Variants in RAD52 observed in about 807,000 individuals in gnomAD.
RAD52 encodes the protein DNA repair protein RAD52 homolog.
In RAD52, 47 loss-of-function variants were observed where a neutral mutation model predicts 55.5. The observed-to-expected ratio is 0.85, with a 90% CI of 0.67 to 1.08. RAD52 has a LOEUF of 1.08. Ranked by LOEUF, RAD52 falls within the 50% of genes least tolerant of loss-of-function variation. The probability of loss-of-function intolerance (pLI) is 0.00; values close to 1 mark genes in which losing one functional copy is unlikely to be tolerated. For missense variants in RAD52, 468 were observed against 522.8 expected, an observed-to-expected ratio of 0.90 and a Z score of 1.02; for synonymous variants, 184 against 198.9, an observed-to-expected ratio of 0.92 and a Z score of 0.63.
intron 1 of RAD52, among the ~76,000 whole-genome samples, chr12:962,689 A>G (rs941136483): frequency 1.3e-5 from 2 of 151,006 alleles, no homozygotes; most frequent in Admixed American, 6.6e-5. Context: ...GTATGTTTGC[A>G]TGCCTTATTT....
At chr12:964,647 C>G (rs567753344) in intron 1 of RAD52, among the ~76,000 whole-genome samples, 1 of 152,110 alleles carries the variant, frequency 6.6e-6, no homozygotes, top group Non-Finnish European at 1.5e-5. Context: ...GGCACAGTCA[C>G]AGCTCACTGC....
At chr12:931,351 A>G (rs1363968793) in intron 2 of RAD52, 30 bp from the exon 3 acceptor site, 10 of 1,489,114 alleles carry the variant, frequency 6.7e-6, no homozygotes, top group Non-Finnish European at 9.1e-6. Flanking sequence ...AATTAAATTC[A>G]CACTTCCACC....
At chr12:965,127 GCA>G (rs1958741213) in intron 1 of RAD52, among the ~76,000 whole-genome samples, 2 of 151,634 alleles carry the variant, frequency 1.3e-5, no homozygotes, top group Non-Finnish European at 2.9e-5. Context: ...GTACAGGTGC[GCA>G]CCACCACGCC....
chr12:943,645 G>A (rs1342931336), intron 1 of RAD52, among the ~76,000 whole-genome samples: 1 of 152,024 alleles, frequency 6.6e-6, no homozygotes, highest in Non-Finnish European at 1.5e-5. Context: ...CACCGCGCCT[G>A]GCCTATTAGT....
upstream of RAD52, among the ~76,000 whole-genome samples, chr12:951,353 TCTC>T (rs1237300105): frequency 1.3e-5 from 2 of 152,134 alleles, no homozygotes; most frequent in Admixed American, 6.5e-5. Context: ...CTCAAGCAAT[TCTC>T]CTGTCTCAGC....
intron 1 of RAD52, chr12:974,907 C>T (rs1300414385): frequency 1.3e-5 from 2 of 152,224 alleles, no homozygotes; most frequent in Non-Finnish European, 2.9e-5. Flanking sequence ...CTCTGCTATG[C>T]TGCCTTCCAA....
intron 1 of RAD52, among the ~76,000 whole-genome samples, chr12:980,026 T>C (rs1011504426): frequency 1.3e-5 from 2 of 151,740 alleles, no homozygotes; most frequent in African/African-American, 4.8e-5. Context: ...CCGTCTCTAT[T>C]AAAAATACGA....
chr12:972,109 G>A (rs993745701), intron 1 of RAD52, among the ~76,000 whole-genome samples: 2 of 152,162 alleles, frequency 1.3e-5, no homozygotes, highest in South Asian at 2.1e-4. Flanking sequence ...TTGAGGCAAC[G>A]CTAACATGCA....
intron 1 of RAD52, among the ~76,000 whole-genome samples, chr12:961,315 A>AAAAAAAAAAAAAAAAAAAAAAAAAC: frequency 6.8e-6 from 1 of 146,496 alleles, no homozygotes; most frequent in Non-Finnish European, 1.5e-5. Flanking sequence ...ATCTCAAAAA[A>AAAAAAAAAAAAAAAAAAAAAAAAAC]AAAAAAAAAA....
In RAD52 at chr12:916,413, G is replaced by A. The variant is rs1169084827; in HGVS notation, c.796C>T (p.Gln266Ter). The A allele has an allele frequency of 2.5e-6, 4 of 1,608,382 alleles. No homozygotes were observed. The highest frequency in any genetic ancestry group is 3.4e-6 in the Non-Finnish European group (4 of 1,179,412). ...TTCTCCATCCGCTCCCGGAACTGCTGCTGCAGCTGCTTCTGCCGGAGCTTC... is the reference window on the plus strand; with the variant it reads ...TTCTCCATCCGCTCCCGGAACTGCTACTGCAGCTGCTTCTGCCGGAGCTTC... ...QRKLRQKQLQ[Q>*]QFRERMEKQQ... Residue 266 changes from glutamine (Q) to a stop codon, truncating the protein, a stop_gained, in exon 9 of 12, where the codon CAG becomes TAG. Coordinates refer to ENST00000358495, the MANE Select transcript of RAD52 (RefSeq NM_134424.4). LOFTEE classifies it high-confidence loss of function.
intron 1 of RAD52, among the ~76,000 whole-genome samples, chr12:970,935 A>C (rs1026170301): frequency 6.9e-6 from 1 of 145,964 alleles, no homozygotes; most frequent in Non-Finnish European, 1.5e-5. Context: ...AGAGACAGGA[A>C]ATAAATCGAT....
rs1432222139 is a variant in RAD52 at position 916,776 on chromosome 12, A to C, written c.588T>G (p.Leu196=). 1 of 1,613,804 alleles carries C rather than the reference A, an allele frequency of 6.2e-7. No individual in the cohort carries two copies. Among genetic ancestry groups the C allele is most frequent in the South Asian group, 1.1e-5 (1 of 91,082 alleles). The change falls in exon 8 of 12, where the codon CTT becomes CTG. Residue 196 remains leucine, a synonymous_variant. Transcript: ENST00000358495. Reference sequence around the variant, plus strand: ...ATCTTGCCTCCTCCACAGACGGTTCAAGATCTTGTCTCTTCGCTTTAGTTA... The same window carrying C: ...ATCTTGCCTCCTCCACAGACGGTTCCAGATCTTGTCTCTTCGCTTTAGTTA... ...VDLTKAKRQD[L]EPSVEEARYN... is the part of the protein sequence containing the mutation.
chr12:914,160 T>TG, intron 10 of RAD52, 39 bp from the exon 11 acceptor site: 1 of 1,556,346 alleles, frequency 6.4e-7, no homozygotes, highest in Non-Finnish European at 8.8e-7. Context: ...CAGCAAATAA[T>TG]GAAGTATTCT....
chr12:960,892 C>T (rs777193450), intron 1 of RAD52, among the ~76,000 whole-genome samples: 2 of 152,124 alleles, frequency 1.3e-5, no homozygotes, highest in African/African-American at 2.4e-5. Context: ...ATAAAGAAGT[C>T]ATTGGTACAC....
chr12:932,764 G>A (rs951628936), intron 2 of RAD52, among the ~76,000 whole-genome samples: 1 of 152,132 alleles, frequency 6.6e-6, no homozygotes, highest in Non-Finnish European at 1.5e-5. Context: ...CTATGTAAAC[G>A]TACTAGGTAC....
intron 1 of RAD52, among the ~76,000 whole-genome samples, chr12:965,244 TG>T (rs1259477483): frequency 6.6e-6 from 1 of 152,076 alleles, no homozygotes; most frequent in Non-Finnish European, 1.5e-5. Context: ...CCCAAAGTGC[TG>T]GGATTACAGG....
Position 913,899 on chromosome 12 carries a change from G to A in RAD52, c.1190C>T (p.Thr397Ile), listed in dbSNP as rs766697107. Residue 397 changes from threonine to isoleucine, a missense_variant, in exon 11 of 12, where the codon ACA becomes ATA. Thr to Ile is a moderately conservative substitution (Grantham distance 89, BLOSUM62 -1). Transcript: ENST00000358495. ...DLQTYSADQRTTGNWESHRKS... is the reference protein window; with the variant it reads ...DLQTYSADQRITGNWESHRKS... ...CCTAAACACCTCTCTGCTACCTGTT[G>A]TGCGTTGGTCAGCGCTATAAGTTTG... 3 of 1,613,634 alleles carry A rather than the reference G, an allele frequency of 1.9e-6. No individual in the cohort carries two copies. The South Asian group carries it at 3.3e-5, about 18-fold the overall frequency.
At chr12:985,290 G>A (rs771668520) in intron 1 of RAD52, among the ~76,000 whole-genome samples, 2 of 152,134 alleles carry the variant, frequency 1.3e-5, no homozygotes, top group Non-Finnish European at 2.9e-5. Context: ...ATGGGTGCAT[G>A]CCAACACACC....
At chr12:952,993 A>AGGGGTGGGG (rs1243476877), upstream of RAD52, among the ~76,000 whole-genome samples, 1 of 300 alleles carries the variant, frequency 3.3e-3, no homozygotes, top group Admixed American at 0.036. Flanking sequence ...GGGAGGGGGG[A>AGGGGTGGGG]GAGGGGGAGG....
Sources: gnomAD v4.1 joint callset for allele counts (sites outside exome capture counted in the v4.1 genomes callset) on GRCh38, gnomAD v4.1.1 for gene constraint, MANE v1.5 for transcripts, NCBI Gene and HGNC (gene_info 2026-07-23, HGNC 2026-07-21) for gene names.